Variants in COL28A1 observed in about 807,000 individuals in gnomAD.
COL28A1 encodes collagen alpha-1(XXVIII) chain.
Under a neutral mutation model 150.2 loss-of-function variants are expected in COL28A1, and 161 were observed. The observed-to-expected ratio is 1.07, with a 90% CI of 0.94 to 1.22. The LOEUF is 1.22. COL28A1 is among the 50% of genes most tolerant of loss of function. The pLI is 0.00. For synonymous variants in COL28A1, 552 were observed against 469.7 expected, an observed-to-expected ratio of 1.18 and a Z score of -2.26; for missense variants, 1,617 against 1,388.3, an observed-to-expected ratio of 1.16 and a Z score of -2.62.
chr7:7,537,800 G>A (rs777994661), upstream of COL28A1, among the ~76,000 whole-genome samples: 2 of 152,166 alleles, frequency 1.3e-5, no homozygotes, highest in Non-Finnish European at 2.9e-5. Context: ...GTATTTACCT[G>A]ATAGCCTATG....
chr7:7,374,038 A>AAAAAAAAAAAAATAT, intron 31 of COL28A1, among the ~76,000 whole-genome samples: 1 of 113,656 alleles, frequency 8.8e-6, no homozygotes, highest in Admixed American at 8.9e-5. Context: ...AAAAAAAAAA[A>AAAAAAAAAAAAATAT]ATATATATAT....
Position 7,373,425 on chromosome 7 carries a change from C to G in COL28A1, c.2481G>C (p.Arg827=). 1 of 1,614,150 alleles carries G rather than the reference C, an allele frequency of 6.2e-7. No individual in the cohort carries two copies. The highest frequency in any genetic ancestry group is 1.1e-5 in the South Asian group (1 of 91,076). Residue 827 remains arginine, a synonymous_variant, in exon 32 of 35, where the codon CGG becomes CGC. Coordinates refer to ENST00000399429, the MANE Select transcript of COL28A1 (RefSeq NM_001037763.3). The surrounding 1 kb of genome is among the most constrained non-coding windows in gnomAD (Gnocchi z 4.1). ...IKNFVKTMAD[R]VALDLATARI... Reference sequence around the variant, plus strand: ...GGGCCGTGGCAAGGTCCAGAGCAACCCGGTCAGCCATAGTCTTCACAAAAT... The same window carrying G: ...GGGCCGTGGCAAGGTCCAGAGCAACGCGGTCAGCCATAGTCTTCACAAAAT...
chr7:7,528,443 T>C (rs1187736230), intron 3 of COL28A1, among the ~76,000 whole-genome samples: 5 of 152,214 alleles, frequency 3.3e-5, no homozygotes, highest in Non-Finnish European at 7.4e-5. Flanking sequence ...TCTTACATGA[T>C]AATTCCTACT....
chr7:7,484,949 G>A (rs959157883), intron 13 of COL28A1, among the ~76,000 whole-genome samples: 1 of 152,040 alleles, frequency 6.6e-6, no homozygotes, highest in Non-Finnish European at 1.5e-5. Context: ...ACAAAGAAGG[G>A]AACAGCAGAC....
chr7:7,517,802 A>G lies in COL28A1; in HGVS notation c.849T>C (p.Gly283=), dbSNP rs1302303497. 10 of 1,613,610 alleles carry G rather than the reference A, an allele frequency of 6.2e-6. No homozygotes were observed. The South Asian group carries it at 1.1e-4, about 18-fold the overall frequency. The part of the protein sequence containing the change: ...NAQKGEAGER[G]PGGIPGYKGD... ...ATTCCAGTTGTGTACATACCCCTGG[A>G]CCTCTTTCTCCAGCTTCTCCTTTTT... Residue 283 remains glycine (G), a synonymous_variant, in exon 7 of 35, where the codon GGT becomes GGC. Transcript: ENST00000399429.
At chr7:7,400,786 CTTCT>C (rs1783131554) in intron 27 of COL28A1, among the ~76,000 whole-genome samples, 2 of 151,912 alleles carry the variant, frequency 1.3e-5, no homozygotes, top group African/African-American at 2.4e-5. Flanking sequence ...TTTGTCTTCA[CTTCT>C]TTCTTATCAT....
In COL28A1 at chr7:7,444,472, T is replaced by A; in HGVS notation, c.1527A>T (p.Ile509=). Residue 509 remains isoleucine, a synonymous_variant, in exon 19 of 35, where the codon ATA becomes ATT. Coordinates refer to ENST00000399429, the MANE Select transcript of COL28A1 (RefSeq NM_001037763.3). ...VQGPKGEPGS[I]GLPGQPGVPG... ...GTACTCCTGGTTGTCCTGGGAGCCC[T>A]ATTGAGCCTGGCTCTCCCTGGTGAA... 6.2e-7 allele frequency: 1 copy of A among 1,614,012 alleles called. No homozygotes were observed. Among genetic ancestry groups the A allele is most frequent in the Non-Finnish European group, 8.5e-7 (1 of 1,179,962 alleles).
chr7:7,394,450 A>T (rs1782726652), intron 27 of COL28A1, among the ~76,000 whole-genome samples: 1 of 152,216 alleles, frequency 6.6e-6, no homozygotes, highest in Non-Finnish European at 1.5e-5. Context: ...GAAACTAATA[A>T]TATTCTGCAC....
intron 5 of COL28A1, 111 bp from the exon 6 acceptor site, chr7:7,520,226 C>A: frequency 1.8e-6 from 1 of 563,876 alleles, no homozygotes; most frequent in Non-Finnish European, 3.1e-6. Context: ...AATTGTAAAA[C>A]CTTTACCTGC....
At chr7:7,382,501 T>G (rs1252713793) in intron 27 of COL28A1, among the ~76,000 whole-genome samples, 1 of 152,160 alleles carries the variant, frequency 6.6e-6, no homozygotes, top group Non-Finnish European at 1.5e-5. Flanking sequence ...CATTATTTCT[T>G]GCCCCACCCA....
At chr7:7,423,114 T>C (rs1412570637) in intron 25 of COL28A1, among the ~76,000 whole-genome samples, 1 of 152,220 alleles carries the variant, frequency 6.6e-6, no homozygotes, top group Non-Finnish European at 1.5e-5. Context: ...GATAATAGTA[T>C]TGTAGTCAAG....
rs148472233 is a variant in COL28A1, at chr7:7,454,799, A to T, written c.1371+1245T>A. 4.7e-3 allele frequency among the ~76,000 whole-genome samples: 709 copies of T among 152,294 alleles called. 5 individuals carry two copies. The highest frequency in any genetic ancestry group is 0.022 in the East Asian group (115 of 5,182). ...CCTGCTAAAACCAACAAATAAACTA[A>T]AAGGCTTGAGAATGTCGGCTGGTAT... On this transcript the variant is annotated intron_variant, in intron 16 of 34. Transcript: ENST00000399429.
chr7:7,537,045 A>C (rs1206767070), upstream of COL28A1, among the ~76,000 whole-genome samples: 4 of 152,234 alleles, frequency 2.6e-5, no homozygotes, highest in Admixed American at 2.6e-4. Flanking sequence ...TAAACCTCTA[A>C]ATACTCAAAA....
intron 27 of COL28A1, among the ~76,000 whole-genome samples, chr7:7,390,136 A>G (rs1782447660): frequency 6.6e-6 from 1 of 152,122 alleles, no homozygotes; most frequent in Non-Finnish European, 1.5e-5. Flanking sequence ...GTTTGTCATA[A>G]ATAGCTCTTA....
intron 11 of COL28A1, among the ~76,000 whole-genome samples, chr7:7,498,652 AC>A (rs1422232899): frequency 6.6e-6 from 1 of 152,160 alleles, no homozygotes; most frequent in Non-Finnish European, 1.5e-5. Flanking sequence ...CAATAAAAAC[AC>A]CCTTGGAATA....
intron 7 of COL28A1, among the ~76,000 whole-genome samples, 172 bp downstream of exon 7, chr7:7,517,624 C>T (rs1318906939): frequency 3.0e-4 from 45 of 152,166 alleles, no homozygotes; most frequent in Admixed American, 2.9e-3. Flanking sequence ...TATTTTCTCC[C>T]CACATTTCCA....
intron 20 of COL28A1, among the ~76,000 whole-genome samples, chr7:7,442,570 T>A (rs1232835960): frequency 6.6e-6 from 1 of 152,228 alleles, no homozygotes; most frequent in Non-Finnish European, 1.5e-5. Context: ...TTAAATTTCA[T>A]GTCCTCACAT....
At chr7:7,354,471 C>T (rs1398845730), downstream of COL28A1, among the ~76,000 whole-genome samples, 1 of 151,952 alleles carries the variant, frequency 6.6e-6, no homozygotes, top group Non-Finnish European at 1.5e-5. Flanking sequence ...AGTAGGGTGT[C>T]CTCAAAAAGC....
At chr7:7,509,795 A>G (rs183991099) in intron 9 of COL28A1, among the ~76,000 whole-genome samples, 7 of 152,092 alleles carry the variant, frequency 4.6e-5, no homozygotes, top group Admixed American at 4.6e-4. Flanking sequence ...ATTCTATTCT[A>G]TGTGTGTCCC....
Sources: gnomAD v4.1 joint callset for allele counts (sites outside exome capture counted in the v4.1 genomes callset) on GRCh38, gnomAD v4.1.1 for gene constraint, Gnocchi (gnomAD v3.1) non-coding constraint, MANE v1.5 for transcripts, NCBI Gene and HGNC (gene_info 2026-07-23, HGNC 2026-07-21) for gene names.